The following DDC variants were observed in gnomAD, a reference collection of about 807,000 sequenced individuals.
DDC encodes the protein dopa decarboxylase.
A neutral mutation model predicts 60.0 loss-of-function variants in DDC; 43 were observed. The ratio of observed to expected loss-of-function variants is 0.72; its 90% CI spans 0.56 to 0.92. The LOEUF (loss-of-function observed/expected upper bound fraction) is 0.92. DDC is among the 40% of genes least tolerant of loss of function. DDC has a pLI of 0.00. For synonymous variants in DDC, 232 were observed against 234.6 expected (o/e 0.99, Z 0.10); for missense variants, 573 against 620.2 (o/e 0.92, Z 0.81).
intron 1 of DDC, among the ~76,000 whole-genome samples, chr7:50,545,831 AC>A (rs757604727): frequency 1.1e-4 from 17 of 152,322 alleles, no homozygotes; most frequent in Non-Finnish European, 1.5e-4. Flanking sequence ...CTCACAGCCA[AC>A]AGCACTGTAA....
intron 14 of DDC, 23 bp downstream of exon 14, chr7:50,463,190 A>G (rs1190969627): frequency 4.5e-6 from 7 of 1,564,382 alleles, no homozygotes; most frequent in Admixed American, 3.7e-5. Context: ...AGACAGGCAG[A>G]AAATGAGCCC....
At chr7:50,537,769 A>C in intron 4 of DDC, 91 bp downstream of exon 4, 11 of 1,509,238 alleles carry the variant, frequency 7.3e-6, no homozygotes, top group Non-Finnish European at 1.0e-5. Flanking sequence ...GGAACTAACA[A>C]GAAGCATGAG....
At chr7:50,546,948 A>C (rs2329370) in intron 1 of DDC, among the ~76,000 whole-genome samples, 2 of 152,226 alleles carry the variant, frequency 1.3e-5, no homozygotes, top group Non-Finnish European at 1.5e-5. Flanking sequence ...CAAAACATCA[A>C]GGCCATGTGC....
intron 1 of DDC, among the ~76,000 whole-genome samples, chr7:50,545,038 C>T (rs1391601774): frequency 6.6e-6 from 1 of 152,142 alleles, no homozygotes; most frequent in Non-Finnish European, 1.5e-5. Context: ...AGCACTTCTG[C>T]ACCACATTTG....
At chr7:50,538,064 C>A in intron 3 of DDC, 85 bp from the exon 4 acceptor site, 1 of 1,504,780 alleles carries the variant, frequency 6.6e-7, no homozygotes, top group Admixed American at 1.7e-5. Flanking sequence ...ATTTAACCTT[C>A]CACTAAAGCC....
At chr7:50,541,987 C>G (rs574763502) in intron 2 of DDC, among the ~76,000 whole-genome samples, 1 of 152,130 alleles carries the variant, frequency 6.6e-6, no homozygotes, top group East Asian at 1.9e-4. Context: ...AGGGAGCTAA[C>G]ACAGTCTAGG....
At chr7:50,484,436 T>G (rs1353108779) in intron 9 of DDC, among the ~76,000 whole-genome samples, 1 of 152,210 alleles carries the variant, frequency 6.6e-6, no homozygotes, top group African/African-American at 2.4e-5. Flanking sequence ...TAGCTGTGTG[T>G]GGCAAGTTTG....
chr7:50,526,693 A>G (rs2044045640), intron 6 of DDC, among the ~76,000 whole-genome samples: 1 of 152,242 alleles, frequency 6.6e-6, no homozygotes, highest in Non-Finnish European at 1.5e-5. Context: ...ACAAATTTTT[A>G]AAATAGCAAC....
Position 50,474,459 on chromosome 7 carries a change from G to C in DDC, c.1041+2165C>G, listed in dbSNP as rs1263511864. 2.0e-5 allele frequency among the ~76,000 whole-genome samples: 3 copies of C among 152,200 alleles called. No homozygotes were observed. In the East Asian group the frequency reaches 5.8e-4, roughly 29 times the overall value. ...TGAGCCCTGAGGACTGGAAGGCCCT[G>C]GATGGAGCAGAAGAACAGGCTGGGG... On this transcript the variant is annotated intron_variant, in intron 11 of 14. Coordinates refer to ENST00000444124, the MANE Select transcript of DDC (RefSeq NM_001082971.2).
chr7:50,459,211 G>A (rs1428980657), intron 14 of DDC, among the ~76,000 whole-genome samples: 2 of 152,178 alleles, frequency 1.3e-5, no homozygotes, highest in African/African-American at 2.4e-5. Flanking sequence ...CGCCAGCCTC[G>A]GCCTCCCGAG....
intron 5 of DDC, 46 bp downstream of exon 5, chr7:50,529,162 C>T (rs2044124815): frequency 2.5e-6 from 4 of 1,611,712 alleles, no homozygotes; most frequent in East Asian, 2.2e-5. Flanking sequence ...TAAAACCAAA[C>T]ATTCGGGTCT....
intron 14 of DDC, among the ~76,000 whole-genome samples, chr7:50,462,533 G>C (rs966456141): frequency 6.6e-6 from 1 of 152,148 alleles, no homozygotes; most frequent in Non-Finnish European, 1.5e-5. Flanking sequence ...ACGGCAAGTC[G>C]TGAGTCATAA....
intron 1 of DDC, among the ~76,000 whole-genome samples, chr7:50,547,207 T>C (rs1037461752): frequency 6.9e-6 from 1 of 144,696 alleles, no homozygotes; most frequent in Non-Finnish European, 1.5e-5. Context: ...CTTTTCTTTT[T>C]CTTTTTTTTT....
chr7:50,508,954 G>A (rs1437987678), intron 6 of DDC, among the ~76,000 whole-genome samples: 1 of 152,158 alleles, frequency 6.6e-6, no homozygotes, highest in Non-Finnish European at 1.5e-5. Context: ...AAGGCACCAT[G>A]CCCAGAAGTA....
At chr7:50,520,432 G>A (rs2153543860) in intron 6 of DDC, among the ~76,000 whole-genome samples, 1 of 143,170 alleles carries the variant, frequency 7.0e-6, no homozygotes, top group South Asian at 2.4e-4. Context: ...GGTCAAAGGA[G>A]AAGTCTCAAG....
chr7:50,493,115 C>T, intron 9 of DDC: 1 of 884,800 alleles, frequency 1.1e-6, no homozygotes, highest in Non-Finnish European at 1.8e-6. Flanking sequence ...TCAGTTTCCT[C>T]ATCTGTAAAG....
chr7:50,512,063 AT>A (rs764827966), intron 6 of DDC, among the ~76,000 whole-genome samples: 32 of 152,082 alleles, frequency 2.1e-4, no homozygotes, highest in Non-Finnish European at 4.3e-4. Flanking sequence ...AAAAATTAAA[AT>A]TAAAATAATT....
chr7:50,529,693 G>C (rs1217164391), intron 4 of DDC, among the ~76,000 whole-genome samples: 1 of 152,156 alleles, frequency 6.6e-6, no homozygotes, highest in Non-Finnish European at 1.5e-5. Context: ...AACGGCCCAG[G>C]GCACCAGCAT....
chr7:50,532,746 A>G lies in DDC; in HGVS notation c.436-3404T>C, dbSNP rs59858702. On this transcript the variant is annotated intron_variant, in intron 4 of 14. Transcript: ENST00000444124. The stretch of plus-strand genomic sequence containing the variant: ...CAGCTTATATTATGAGGGATTGATA[A>G]GATTTTTTTGAGGAGTATATAATTA... Among the ~76,000 whole-genome samples the G allele has an allele frequency of 9.9e-3, 1,510 of 152,374 alleles. 27 individuals are homozygous for G. Among genetic ancestry groups the G allele is most frequent in the African/African-American group, 0.033 (1,382 of 41,590 alleles).
Sources: allele counts gnomAD v4.1 joint callset (sites outside exome capture counted in the v4.1 genomes callset), GRCh38; gene constraint gnomAD v4.1.1; transcripts MANE v1.5; gene names NCBI Gene and HGNC (gene_info 2026-07-23, HGNC 2026-07-21).